Variants in TGFB3 observed in about 807,000 individuals in gnomAD.
The protein encoded by TGFB3 is transforming growth factor beta-3 proprotein.
A neutral mutation model predicts 40.1 loss-of-function variants in TGFB3; 5 were observed. The ratio of observed to expected loss-of-function variants is 0.12; its 90% CI spans 0.07 to 0.26. The LOEUF (loss-of-function observed/expected upper bound fraction) is 0.26, where lower values mean the gene tolerates loss of function less well. TGFB3 is among the 10% of genes least tolerant of loss of function. The pLI is 1.00. For synonymous variants in TGFB3, 184 were observed against 205.6 expected (o/e 0.89, Z 0.90); for missense variants, 373 against 530.1 (o/e 0.70, Z 2.91).
chr14:75,970,132 C>T (rs549383947), intron 3 of TGFB3, among the ~76,000 whole-genome samples: 1 of 152,210 alleles, frequency 6.6e-6, no homozygotes, highest in Admixed American at 6.5e-5. Flanking sequence ...AGGCTCTTGA[C>T]TTCACACCCA....
chr14:75,975,089 C>T (rs1355569739), intron 1 of TGFB3, among the ~76,000 whole-genome samples: 1 of 151,080 alleles, frequency 6.6e-6, no homozygotes, highest in East Asian at 2.0e-4. Flanking sequence ...TTTTAAAGGC[C>T]GAGAACAGTG....
intron 6 of TGFB3, 75 bp from the exon 7 acceptor site, chr14:75,959,420 A>AG: frequency 6.3e-7 from 1 of 1,581,432 alleles, no homozygotes; most frequent in Non-Finnish European, 8.7e-7. Context: ...GCCCAGTTCC[A>AG]GGGGCAGTCC....
intron 1 of TGFB3, among the ~76,000 whole-genome samples, chr14:75,975,375 A>AAAATTAAAATTT (rs1555361058): frequency 3.9e-5 from 6 of 151,978 alleles, no homozygotes; most frequent in Admixed American, 1.3e-4. Context: ...CAAAAAAATT[A>AAAATTAAAATTT]AAATTAAAAT....
intron 1 of TGFB3, among the ~76,000 whole-genome samples, chr14:75,973,951 C>A (rs772985286): frequency 1.1e-4 from 17 of 152,160 alleles, no homozygotes; most frequent in Non-Finnish European, 1.6e-4. Context: ...ACCAGCCTGA[C>A]CAACATGGTG....
chr14:75,977,351 G>T (rs1446358333), intron 1 of TGFB3, among the ~76,000 whole-genome samples: 1 of 152,138 alleles, frequency 6.6e-6, no homozygotes, highest in Non-Finnish European at 1.5e-5. Context: ...ATCACATGGG[G>T]TCAGAGAAAC....
In TGFB3 at chr14:75,981,086, G is replaced by A. The variant is rs1594792817; in HGVS notation, c.-193C>T. On this transcript the variant is annotated 5_prime_UTR_variant, in exon 1 of 7. Transcript: ENST00000238682. This position sits in a 1 kb window ranked among gnomAD's most constrained non-coding sequence, Gnocchi z 4.7. ...TCCAGGAAGCGCTGGCAACCCTGAG[G>A]ACGAAGAAGCGGACTGTGTGCCTTG... 20 of 634,212 alleles carry A rather than the reference G, an allele frequency of 3.2e-5. No homozygotes were observed. The East Asian group carries it at 4.7e-4, about 15-fold the overall frequency. The allele number at this position is 634,212 out of a possible 1,614,324, so 39.3% of individuals were successfully genotyped here. A position where few individuals can be genotyped will look rare whatever the true frequency, so the allele number is the denominator to read the frequency against.
At chr14:75,982,505 C>T (rs2035448435), upstream of TGFB3, among the ~76,000 whole-genome samples, 1 of 152,196 alleles carries the variant, frequency 6.6e-6, no homozygotes. This position sits in a 1 kb window ranked among gnomAD's most constrained non-coding sequence, Gnocchi z 4.0. Context: ...GATCCTGGCC[C>T]GATTCTTCAT....
intron 3 of TGFB3, among the ~76,000 whole-genome samples, chr14:75,968,610 C>T (rs1158786294): frequency 6.6e-6 from 1 of 152,154 alleles, no homozygotes; most frequent in Non-Finnish European, 1.5e-5. Flanking sequence ...TTCCCCAGCC[C>T]CTCCTTTCTG....
Position 75,979,830 on chromosome 14 carries a change from C to T in TGFB3, c.352+712G>A, listed in dbSNP as rs976156341. Among the ~76,000 whole-genome samples, 4 of 152,098 alleles carry T rather than the reference C, an allele frequency of 2.6e-5. No homozygotes were observed. Among genetic ancestry groups the T allele is most frequent in the South Asian group, 2.1e-4 (1 of 4,824 alleles). ...TCCCCGTGCCCACCGGCCTGGAGGG[C>T]GCCCATTTTGAGCACATGAATCTGT... On this transcript the variant is annotated intron_variant, in intron 1 of 6. Transcript: ENST00000238682. This position sits in a 1 kb window ranked among gnomAD's most constrained non-coding sequence, Gnocchi z 4.8.
In TGFB3 at chr14:75,970,934, C is replaced by T. The variant is rs532351610; in HGVS notation, c.646+192G>A. On this transcript the variant is annotated intron_variant, in intron 3 of 6. Transcript: ENST00000238682. ...ATAGTTCCTATCCCTGTGGCTGCAT[C>T]CCCAGGGCCTGTCTTACAGTGAGCA... 103 of 735,344 alleles carry T rather than the reference C, an allele frequency of 1.4e-4. 1 individual carries two copies. The African/African-American group carries it at 1.5e-3, about 11-fold the overall frequency. The allele number at this position is 735,344 out of a possible 1,614,324, so 45.6% of individuals were successfully genotyped here.
chr14:75,979,018 G>A lies in TGFB3; in HGVS notation c.352+1524C>T, dbSNP rs1229314021. Among the ~76,000 whole-genome samples, 4 of 152,248 alleles carry A rather than the reference G, an allele frequency of 2.6e-5. No individual in the cohort carries two copies. The East Asian group carries it at 7.7e-4, about 29-fold the overall frequency. ...CCAGGGAGTTGGAGCCTTGGCCATCGAGCTGCTAGGTGCCTCTGGGAACTG... is the reference window on the plus strand; with the variant it reads ...CCAGGGAGTTGGAGCCTTGGCCATCAAGCTGCTAGGTGCCTCTGGGAACTG... On this transcript the variant is annotated intron_variant, in intron 1 of 6. Coordinates refer to ENST00000238682, the MANE Select transcript of TGFB3 (RefSeq NM_003239.5). The surrounding 1 kb of genome is among the most constrained non-coding windows in gnomAD (Gnocchi z 4.8).
At position 75,980,556 on chromosome 14, in the gene TGFB3, C is replaced by G; in HGVS notation, c.338G>C (p.Gly113Ala). Reference sequence around the variant, plus strand: ...TTTGGACTTACTGTGCTCCGCCAGCCCCTGGATCATGTCGAATTTATGGAT... The same window carrying G: ...TTTGGACTTACTGTGCTCCGCCAGCGCCTGGATCATGTCGAATTTATGGAT... ...KEIHKFDMIQ[G>A]LAEHNELAVC... is the part of the protein sequence containing the mutation. The change falls in exon 1 of 7, where the codon GGG (glycine) becomes GCG (alanine). Residue 113 changes from glycine (G) to alanine (A), a missense_variant. Transcript: ENST00000238682. This position sits in a 1 kb window ranked among gnomAD's most constrained non-coding sequence, Gnocchi z 4.3. The G allele has an allele frequency of 6.2e-7, 1 of 1,614,236 alleles. No homozygotes were observed. Among genetic ancestry groups the G allele is most frequent in the Non-Finnish European group, 8.5e-7 (1 of 1,180,044 alleles).
intron 4 of TGFB3, among the ~76,000 whole-genome samples, chr14:75,963,983 T>C (rs1595339643): frequency 1.3e-5 from 2 of 152,288 alleles, no homozygotes; most frequent in Middle Eastern, 6.8e-3. Context: ...TTCAAGAGAT[T>C]CTCCTGCCTC....
rs1228534980 is a variant in TGFB3, at chr14:75,980,596, A to G, written c.298T>C (p.Tyr100His). 2.5e-6 allele frequency: 4 copies of G among 1,614,228 alleles called. No homozygotes were observed. Among genetic ancestry groups the G allele is most frequent in the Non-Finnish European group, 2.5e-6 (3 of 1,180,042 alleles). ...AATTTATGGATTTCTTTGGCATAGTATTCCGACTCGGTGTTTTCCTGGGTG... is the reference window on the plus strand; with the variant it reads ...AATTTATGGATTTCTTTGGCATAGTGTTCCGACTCGGTGTTTTCCTGGGTG... ...GCTQENTESE[Y>H]YAKEIHKFDM... The change falls in exon 1 of 7, where the codon TAC (tyrosine) becomes CAC (histidine). Residue 100 changes from tyrosine (Y) to histidine (H), a missense_variant. By Grantham distance (83) the Tyr-to-His change is moderately conservative. Coordinates refer to ENST00000238682, the MANE Select transcript of TGFB3 (RefSeq NM_003239.5). The surrounding 1 kb of genome is among the most constrained non-coding windows in gnomAD (Gnocchi z 4.3).
intron 5 of TGFB3, among the ~76,000 whole-genome samples, chr14:75,962,632 G>A (rs1011183315): frequency 3.9e-5 from 6 of 152,094 alleles, no homozygotes; most frequent in Non-Finnish European, 8.8e-5. Flanking sequence ...CCTTTCCTGT[G>A]TCCATAGGTG....
intron 4 of TGFB3, among the ~76,000 whole-genome samples, chr14:75,964,057 G>A (rs1321479115): frequency 3.9e-5 from 6 of 152,192 alleles, no homozygotes; most frequent in African/African-American, 1.4e-4. Context: ...TGTATTTTTA[G>A]TAGAGACAGG....
Position 75,965,658 on chromosome 14 carries a change from T to G in TGFB3, c.684A>C (p.Pro228=), listed in dbSNP as rs745821422. The stretch of plus-strand genomic sequence containing the variant: ...CTCCATTGGGCTGAAAGGTGTGACA[T>G]GGACAGTGAATGCTGATTTCTAGAC... ...NLGLEISIHC[P]CHTFQPNGDI... is the part of the protein sequence containing the mutation. The change falls in exon 4 of 7, where the codon CCA becomes CCC. Residue 228 remains proline (P), a synonymous_variant. Coordinates refer to ENST00000238682, the MANE Select transcript of TGFB3 (RefSeq NM_003239.5). The G allele has an allele frequency of 1.9e-6, 3 of 1,614,196 alleles. No homozygotes were observed. The highest frequency in any genetic ancestry group is 2.5e-6 in the Non-Finnish European group (3 of 1,180,034).
At position 75,963,408 on chromosome 14, in the gene TGFB3, T is replaced by C; in HGVS notation, c.834A>G (p.Leu278=). ...KKQKDHHNPH[L]ILMMIPPHRL... ...GGTGTGGGGGAATCATCATGAGGAT[T>C]AGATGAGGGTTGTGGTGATCCTTCT... Residue 278 remains leucine, a synonymous_variant, in exon 5 of 7, where the codon CTA becomes CTG. Coordinates refer to ENST00000238682, the MANE Select transcript of TGFB3 (RefSeq NM_003239.5). 4 of 1,614,134 alleles carry C rather than the reference T, an allele frequency of 2.5e-6. No individual in the cohort carries two copies. Among genetic ancestry groups the C allele is most frequent in the Non-Finnish European group, 3.4e-6 (4 of 1,180,010 alleles).
chr14:75,980,921 G>A lies in TGFB3; in HGVS notation c.-28C>T. 1 of 1,606,820 alleles carries A rather than the reference G, an allele frequency of 6.2e-7. No homozygotes were observed. The highest frequency in any genetic ancestry group is 8.5e-7 in the Non-Finnish European group (1 of 1,174,166). ...GTGAGCTGGGAAGAGAGGCCAGGGG[G>A]ACGGCAAGGCCTGGAGAGGAAGAGA... On this transcript the variant is annotated 5_prime_UTR_variant, in exon 1 of 7. Coordinates refer to ENST00000238682, the MANE Select transcript of TGFB3 (RefSeq NM_003239.5). This position sits in a 1 kb window ranked among gnomAD's most constrained non-coding sequence, Gnocchi z 4.3.
Sources: gnomAD v4.1 joint callset for allele counts (sites outside exome capture counted in the v4.1 genomes callset) on GRCh38, gnomAD v4.1.1 for gene constraint, Gnocchi (gnomAD v3.1) non-coding constraint, MANE v1.5 for transcripts, NCBI Gene and HGNC (gene_info 2026-07-23, HGNC 2026-07-21) for gene names.